LRBA: variants seen among roughly 807,000 people sequenced by gnomAD.
The protein encoded by LRBA is lipopolysaccharide-responsive and beige-like anchor protein.
Under a neutral mutation model 330.0 loss-of-function variants are expected in LRBA, and 176 were observed. That is an observed-to-expected ratio of 0.53 (90% CI 0.47 to 0.60). LRBA has a LOEUF of 0.60. Ranked by LOEUF, LRBA falls within the 20% of genes least tolerant of loss-of-function variation. The pLI, the probability that LRBA is intolerant of heterozygous loss-of-function variation, is 0.00. For missense variants in LRBA, 3,259 were observed against 3,444.8 expected (o/e 0.95, Z 1.35); for synonymous variants, 1,230 against 1,193.0 (o/e 1.03, Z -0.64).
Position 150,806,288 on chromosome 4 carries a change from A to G in LRBA, c.5501T>C (p.Leu1834Pro), listed in dbSNP as rs1361966864. ...CCACTTACTTGTTCCTTCTATAAGC[A>G]GTTCTTGTCCATGGCTACCCAAAAG... ...RTLLGSHGQE[L>P]LIEGTSLVCM... The change falls in exon 33 of 57, where the codon CTG (leucine) becomes CCG (proline). Residue 1834 changes from leucine (L) to proline (P), a missense_variant. Coordinates refer to ENST00000651943, the MANE Select transcript of LRBA (RefSeq NM_001364905.1). 2.5e-6 allele frequency: 4 copies of G among 1,591,470 alleles called. No individual in the cohort carries two copies. Among genetic ancestry groups the G allele is most frequent in the Non-Finnish European group, 3.4e-6 (4 of 1,170,964 alleles).
At chr4:150,423,155 T>C in intron 46 of LRBA, 2 of 1,161,096 alleles carry the variant, frequency 1.7e-6, no homozygotes. Context: ...AGGACCAACC[T>C]CGGGGCAGGG....
intron 37 of LRBA, among the ~76,000 whole-genome samples, chr4:150,640,562 T>A (rs1220078827): frequency 1.3e-5 from 2 of 152,220 alleles, no homozygotes; most frequent in Non-Finnish European, 2.9e-5. Flanking sequence ...AATTGCAAAC[T>A]ACCTGTGATA....
chr4:150,364,263 C>G (rs956443502), intron 47 of LRBA, among the ~76,000 whole-genome samples: 9 of 152,188 alleles, frequency 5.9e-5, no homozygotes, highest in African/African-American at 2.2e-4. Context: ...ATACCAGCAG[C>G]ATTTAACATT....
At chr4:150,765,479 CAA>C (rs1735647234) in intron 34 of LRBA, among the ~76,000 whole-genome samples, 2 of 151,974 alleles carry the variant, frequency 1.3e-5, no homozygotes, top group Admixed American at 6.6e-5. Flanking sequence ...AGAATGCTGA[CAA>C]GAGAGAAGGC....
intron 40 of LRBA, among the ~76,000 whole-genome samples, chr4:150,533,506 C>CAT (rs546061225): frequency 5.8e-4 from 88 of 151,980 alleles, no homozygotes; most frequent in African/African-American, 1.7e-3. Context: ...GGGAAAGATA[C>CAT]ATATATATAT....
intron 2 of LRBA, among the ~76,000 whole-genome samples, chr4:150,988,587 T>G (rs1244561570): frequency 6.6e-6 from 1 of 150,718 alleles, no homozygotes; most frequent in African/African-American, 2.4e-5. Flanking sequence ...AATATCAAAT[T>G]TTTTTTTTTT....
chr4:150,559,839 TATATATAATAATATATAATTATATATA>T (rs1190490967), intron 40 of LRBA, among the ~76,000 whole-genome samples: 60 of 25,472 alleles, frequency 2.4e-3, no homozygotes, highest in African/African-American at 5.3e-3. Context: ...TAAAATATAA[TATATATAATAATATATAATTATATATA>T]ATATATAATT....
chr4:150,927,726 G>A (rs1387188813), intron 4 of LRBA, among the ~76,000 whole-genome samples: 1 of 152,036 alleles, frequency 6.6e-6, no homozygotes, highest in African/African-American at 2.4e-5. Flanking sequence ...AGGTAAGCTA[G>A]AACCAGAAAT....
intron 40 of LRBA, among the ~76,000 whole-genome samples, chr4:150,524,284 T>G (rs1763230864): frequency 6.6e-6 from 1 of 152,174 alleles, no homozygotes; most frequent in African/African-American, 2.4e-5. Context: ...CTGACAGTAC[T>G]TTTCACCTAG....
intron 2 of LRBA, among the ~76,000 whole-genome samples, chr4:150,949,802 A>G (rs1442476692): frequency 2.0e-5 from 3 of 152,070 alleles, no homozygotes; most frequent in Non-Finnish European, 4.4e-5. Context: ...CTACAGACAT[A>G]CATAATCCCA....
chr4:150,672,081 A>G (rs1782110537), intron 37 of LRBA, among the ~76,000 whole-genome samples: 2 of 152,198 alleles, frequency 1.3e-5, no homozygotes, highest in African/African-American at 4.8e-5. Context: ...AGTCAAAAGC[A>G]ATTACAGGAA....
chr4:150,849,306 GT>G (rs1750304170), intron 25 of LRBA, 115 bp downstream of exon 25: 1 of 880,258 alleles, frequency 1.1e-6, no homozygotes, highest in Non-Finnish European at 1.8e-6. Flanking sequence ...AGATCCTATT[GT>G]TTTTTATTTA....
At chr4:150,692,381 A>G (rs1484295868) in intron 36 of LRBA, among the ~76,000 whole-genome samples, 1 of 151,856 alleles carries the variant, frequency 6.6e-6, no homozygotes, top group Non-Finnish European at 1.5e-5. Flanking sequence ...ACCATGCCCA[A>G]CTAATTTTTT....
intron 36 of LRBA, among the ~76,000 whole-genome samples, chr4:150,714,522 A>C (rs1786551370): frequency 1.3e-5 from 2 of 152,234 alleles, no homozygotes; most frequent in South Asian, 2.1e-4. Flanking sequence ...ATCTAACTAA[A>C]ATTTTATATC....
chr4:150,440,334 A>G (rs2152002745), intron 44 of LRBA, among the ~76,000 whole-genome samples: 1 of 152,314 alleles, frequency 6.6e-6, no homozygotes, highest in Admixed American at 6.5e-5. Flanking sequence ...AAAAGCTAAC[A>G]AATAAATAGA....
intron 33 of LRBA, among the ~76,000 whole-genome samples, chr4:150,804,870 C>T (rs777912281): frequency 2.0e-5 from 3 of 152,038 alleles, no homozygotes; most frequent in African/African-American, 7.2e-5. Flanking sequence ...CCCAGCAACT[C>T]AGAAGGCCAA....
At chr4:150,584,119 G>A (rs961899601) in intron 40 of LRBA, 1 of 1,512,592 alleles carries the variant, frequency 6.6e-7, no homozygotes, top group African/African-American at 1.4e-5. Flanking sequence ...GGGTGCTGGG[G>A]ACTGCTTGAA....
intron 53 of LRBA, among the ~76,000 whole-genome samples, chr4:150,295,411 G>T (rs1489906320): frequency 6.6e-6 from 1 of 151,898 alleles, no homozygotes; most frequent in Non-Finnish European, 1.5e-5. Context: ...TGCCCATGCT[G>T]GTTTTGAACT....
intron 40 of LRBA, among the ~76,000 whole-genome samples, chr4:150,508,873 G>A (rs546704180): frequency 4.3e-4 from 66 of 152,256 alleles, no homozygotes; most frequent in Middle Eastern, 6.8e-3. Flanking sequence ...GAACCTAACT[G>A]ACATTTATAG....
Sources: allele counts gnomAD v4.1 joint callset (sites outside exome capture counted in the v4.1 genomes callset), GRCh38; gene constraint gnomAD v4.1.1; transcripts MANE v1.5; gene names NCBI Gene and HGNC (gene_info 2026-07-23, HGNC 2026-07-21).